Variants in FBXO31 observed in about 807,000 individuals in gnomAD.
FBXO31 encodes the protein F-box only protein 31.
A neutral mutation model predicts 54.4 loss-of-function variants in FBXO31; 24 were observed. That is an observed-to-expected ratio of 0.44 (90% CI 0.32 to 0.62). FBXO31 has a LOEUF of 0.62. Ranked by LOEUF, FBXO31 falls within the 20% of genes least tolerant of loss-of-function variation. FBXO31 has a pLI of 0.05. For missense variants in FBXO31, 665 were observed against 787.1 expected, an observed-to-expected ratio of 0.84 and a Z score of 1.86; for synonymous variants, 388 against 335.6, an observed-to-expected ratio of 1.16 and a Z score of -1.71.
intron 1 of FBXO31, among the ~76,000 whole-genome samples, chr16:87,381,758 C>A (rs1397139009): frequency 6.6e-6 from 1 of 152,168 alleles, no homozygotes; most frequent in Non-Finnish European, 1.5e-5. Flanking sequence ...AGCGTGGGGG[C>A]TCGCGCCTGT....
chr16:87,371,292 C>T (rs1345206474), intron 1 of FBXO31, among the ~76,000 whole-genome samples: 1 of 152,236 alleles, frequency 6.6e-6, no homozygotes, highest in Non-Finnish European at 1.5e-5. Flanking sequence ...CTGCCTCCTC[C>T]AGCCAGGACT....
At chr16:87,354,455 C>T (rs917901582) in intron 2 of FBXO31, among the ~76,000 whole-genome samples, 3 of 147,878 alleles carry the variant, frequency 2.0e-5, no homozygotes, top group African/African-American at 4.9e-5. Flanking sequence ...GGCAACAGAG[C>T]GAGATCCTGT....
chr16:87,358,969 T>C lies in FBXO31; in HGVS notation c.412+1326A>G. On this transcript the variant is annotated intron_variant, in intron 2 of 8. Transcript: ENST00000311635. The surrounding 1 kb of genome is among the most constrained non-coding windows in gnomAD (Gnocchi z 4.0). ...CAGCCTCGTCACAGGTCATCCAAGG[T>C]TGCCCAACTACACCACCCGTTTCTG... 6.6e-6 allele frequency among the ~76,000 whole-genome samples: 1 copy of C among 152,174 alleles called. No individual in the cohort carries two copies. Among genetic ancestry groups the C allele is most frequent in the East Asian group, 1.9e-4 (1 of 5,192 alleles).
At chr16:87,364,469 C>T (rs1329145659) in intron 1 of FBXO31, among the ~76,000 whole-genome samples, 1 of 152,220 alleles carries the variant, frequency 6.6e-6, no homozygotes, top group Non-Finnish European at 1.5e-5. Flanking sequence ...GCCGACTCTT[C>T]TCCATTCCAG....
upstream of FBXO31, among the ~76,000 whole-genome samples, chr16:87,390,097 A>G (rs1398086467): frequency 6.6e-6 from 1 of 152,196 alleles, no homozygotes; most frequent in Non-Finnish European, 1.5e-5. Flanking sequence ...CCTGGCCAAC[A>G]TGGTGACACC....
rs534981097 is a variant in FBXO31, at chr16:87,370,306, GAC to G, written c.341-9942_341-9941del. The stretch of plus-strand genomic sequence containing the variant: ...AGCACACTGGGATGGGAGGGACAGG[GAC>G]ACACAGAGTCACTATTCTGTGCACG... On this transcript the variant is annotated intron_variant, in intron 1 of 8. Transcript: ENST00000311635. Among the ~76,000 whole-genome samples the G allele has an allele frequency of 8.0e-4, 122 of 152,322 alleles. 1 individual carries two copies. Among genetic ancestry groups the G allele is most frequent in the African/African-American group, 2.7e-3 (111 of 41,564 alleles).
chr16:87,356,080 T>C (rs1474058971), intron 2 of FBXO31, among the ~76,000 whole-genome samples: 1 of 151,746 alleles, frequency 6.6e-6, no homozygotes, highest in Non-Finnish European at 1.5e-5. Context: ...AATACAAAAA[T>C]TAGCCGGGCG....
intron 1 of FBXO31, among the ~76,000 whole-genome samples, chr16:87,370,234 A>G (rs1343751063): frequency 6.6e-6 from 1 of 152,190 alleles, no homozygotes; most frequent in African/African-American, 2.4e-5. Context: ...GGGAAGATGA[A>G]GAGGACGGGA....
At chr16:87,339,045 T>C (rs573090941) in intron 5 of FBXO31, among the ~76,000 whole-genome samples, 1 of 152,224 alleles carries the variant, frequency 6.6e-6, no homozygotes, top group Non-Finnish European at 1.5e-5. Flanking sequence ...CCTTCCACCA[T>C]GATTTGAGGC....
chr16:87,337,433 C>A (rs1417779924), intron 5 of FBXO31, among the ~76,000 whole-genome samples: 1 of 152,178 alleles, frequency 6.6e-6, no homozygotes, highest in African/African-American at 2.4e-5. Context: ...CTGGACTCGC[C>A]AAGTCTGAAA....
In FBXO31 at chr16:87,338,389, G is replaced by C. The variant is rs771131659; in HGVS notation, c.733-2125C>G. 4.8e-5 allele frequency among the ~76,000 whole-genome samples: 7 copies of C among 145,704 alleles called. No individual in the cohort carries two copies. Among genetic ancestry groups the C allele is most frequent in the Non-Finnish European group, 1.1e-4 (7 of 66,252 alleles). On this transcript the variant is annotated intron_variant, in intron 5 of 8. Transcript: ENST00000311635. The surrounding 1 kb of genome is among the most constrained non-coding windows in gnomAD (Gnocchi z 4.3). ...TGACAAGGATGCCTGCTGGCTGCTT[G>C]AAACAGGAGCATGGCCCATCCTCCC...
At chr16:87,379,152 C>T (rs1340361033) in intron 1 of FBXO31, among the ~76,000 whole-genome samples, 1 of 152,012 alleles carries the variant, frequency 6.6e-6, no homozygotes, top group Non-Finnish European at 1.5e-5. Flanking sequence ...GAGATGGAGT[C>T]TCACTCTTGT....
chr16:87,338,975 G>C lies in FBXO31; in HGVS notation c.733-2711C>G, dbSNP rs951611594. On this transcript the variant is annotated intron_variant, in intron 5 of 8. Coordinates refer to ENST00000311635, the MANE Select transcript of FBXO31 (RefSeq NM_024735.5). This position sits in a 1 kb window ranked among gnomAD's most constrained non-coding sequence, Gnocchi z 4.3. ...CGAGATGCAATGGTTTTATAAAGGG[G>C]AGTTCCCCTGCACAAGTTCTCTCTT... 6.6e-6 allele frequency among the ~76,000 whole-genome samples: 1 copy of C among 152,168 alleles called. No individual in the cohort carries two copies. Among genetic ancestry groups the C allele is most frequent in the Non-Finnish European group, 1.5e-5 (1 of 68,034 alleles).
chr16:87,343,461 G>A (rs1009524696), intron 4 of FBXO31, 137 bp downstream of exon 4: 6 of 1,057,304 alleles, frequency 5.7e-6, no homozygotes, highest in Non-Finnish European at 6.7e-6. Flanking sequence ...GCACAGCAGG[G>A]CAGGGCGGAG....
intron 1 of FBXO31, among the ~76,000 whole-genome samples, chr16:87,389,162 G>C (rs1567495008): frequency 6.6e-6 from 1 of 151,438 alleles, no homozygotes; most frequent in Admixed American, 6.6e-5. Context: ...ATATACAATA[G>C]ATATATATTA....
intron 1 of FBXO31, among the ~76,000 whole-genome samples, chr16:87,370,341 C>A (rs1906545808): frequency 6.6e-6 from 1 of 152,214 alleles, no homozygotes; most frequent in Admixed American, 6.5e-5. Flanking sequence ...ACGGCACTGG[C>A]ACTAGGGGGA....
rs937631637 is a variant in FBXO31 at position 87,335,959 on chromosome 16, C to T, written c.842+196G>A. 6.6e-6 allele frequency among the ~76,000 whole-genome samples: 1 copy of T among 152,166 alleles called. No homozygotes were observed. The highest frequency in any genetic ancestry group is 1.9e-4 in the East Asian group (1 of 5,160). ...AGAGAGAGGGGCTGTGTTCCAAGTACCCACAGAAAGAGCGAACTATGCTCC... is the reference window on the plus strand; with the variant it reads ...AGAGAGAGGGGCTGTGTTCCAAGTATCCACAGAAAGAGCGAACTATGCTCC... On this transcript the variant is annotated intron_variant, in intron 6 of 8. Transcript: ENST00000311635. The surrounding 1 kb of genome is among the most constrained non-coding windows in gnomAD (Gnocchi z 5.7).
rs558475004 is a variant in FBXO31, at chr16:87,335,680, G to C, written c.843-223C>G. 6.6e-6 allele frequency among the ~76,000 whole-genome samples: 1 copy of C among 152,288 alleles called. No homozygotes were observed. Among genetic ancestry groups the C allele is most frequent in the South Asian group, 2.1e-4 (1 of 4,824 alleles). ...CTTCCAACAGGACTTCTGGGGTTAA[G>C]GGGGGCATCAGCGCCAGGGCAGAGC... On this transcript the variant is annotated intron_variant, in intron 6 of 8. Transcript: ENST00000311635. This position sits in a 1 kb window ranked among gnomAD's most constrained non-coding sequence, Gnocchi z 5.7.
At chr16:87,385,319 G>C (rs968693042), upstream of FBXO31, among the ~76,000 whole-genome samples, 1 of 152,194 alleles carries the variant, frequency 6.6e-6, no homozygotes, top group African/African-American at 2.4e-5. Context: ...TTAGCCAGGT[G>C]TGGTGGCAGG....
Sources: allele counts gnomAD v4.1 joint callset (sites outside exome capture counted in the v4.1 genomes callset), GRCh38; gene constraint gnomAD v4.1.1; non-coding constraint Gnocchi (gnomAD v3.1); transcripts MANE v1.5; gene names NCBI Gene and HGNC (gene_info 2026-07-23, HGNC 2026-07-21).